Variants in SGCZ observed in about 807,000 individuals in gnomAD.
The protein encoded by SGCZ is sarcoglycan zeta.
In SGCZ, 40 loss-of-function variants were observed where a neutral mutation model predicts 41.3. That is an observed-to-expected ratio of 0.97 (90% CI 0.75 to 1.26). The LOEUF is 1.26. Among genes scored for constraint, SGCZ ranks in the 50% most tolerant of loss-of-function variants. The pLI is 0.00. For synonymous variants in SGCZ, 206 were observed against 137.5 expected (o/e 1.50, Z -3.49); for missense variants, 552 against 369.8 (o/e 1.49, Z -4.04).
intron 1 of SGCZ, among the ~76,000 whole-genome samples, chr8:14,927,282 T>C (rs942224906): frequency 1.3e-5 from 2 of 151,700 alleles, no homozygotes; most frequent in Non-Finnish European, 2.9e-5. Context: ...CTAATTTTTT[T>C]CTATATTTAG....
intron 1 of SGCZ, among the ~76,000 whole-genome samples, chr8:15,003,910 G>C (rs767619765): frequency 6.6e-6 from 1 of 152,062 alleles, no homozygotes; most frequent in African/African-American, 2.4e-5. Flanking sequence ...TTACAACAAC[G>C]CAGTTAATAT....
chr8:14,953,575 G>A (rs769167663), intron 1 of SGCZ, among the ~76,000 whole-genome samples: 3 of 152,166 alleles, frequency 2.0e-5, no homozygotes, highest in African/African-American at 4.8e-5. Flanking sequence ...GGTAGCAGAA[G>A]TGCAATAACA....
At chr8:14,948,076 G>A (rs1263139727) in intron 1 of SGCZ, among the ~76,000 whole-genome samples, 2 of 152,140 alleles carry the variant, frequency 1.3e-5, no homozygotes, top group Non-Finnish European at 2.9e-5. Context: ...CAGACCATAG[G>A]AGGTACAGGG....
At chr8:14,609,436 G>C (rs1402968321) in intron 1 of SGCZ, among the ~76,000 whole-genome samples, 1 of 151,952 alleles carries the variant, frequency 6.6e-6, no homozygotes, top group Non-Finnish European at 1.5e-5. Flanking sequence ...GAAGATGTTA[G>C]GCAAGTAATA....
At chr8:15,037,159 T>C (rs556363803) in intron 1 of SGCZ, among the ~76,000 whole-genome samples, 24 of 152,166 alleles carry the variant, frequency 1.6e-4, no homozygotes, top group Non-Finnish European at 2.8e-4. Flanking sequence ...TCATCATGAA[T>C]TGTAGTCTCC....
At chr8:14,342,401 C>A (rs1042071859) in intron 2 of SGCZ, among the ~76,000 whole-genome samples, 5 of 152,162 alleles carry the variant, frequency 3.3e-5, no homozygotes, top group Admixed American at 1.3e-4. Flanking sequence ...ACTGCAAGCT[C>A]TGCCTCCCGG....
chr8:14,535,203 A>G (rs781238500), intron 2 of SGCZ, among the ~76,000 whole-genome samples: 2 of 151,990 alleles, frequency 1.3e-5, no homozygotes, highest in Admixed American at 6.6e-5. Context: ...TTAAATTTGA[A>G]TAGTAAAGAT....
chr8:15,008,406 T>A (rs1233311597), intron 1 of SGCZ, among the ~76,000 whole-genome samples: 1 of 151,452 alleles, frequency 6.6e-6, no homozygotes, highest in East Asian at 1.9e-4. Context: ...ACAGTAGATA[T>A]AACCACAATT....
intron 2 of SGCZ, among the ~76,000 whole-genome samples, chr8:14,378,077 T>C (rs1481592316): frequency 6.7e-6 from 1 of 150,152 alleles, no homozygotes; most frequent in Non-Finnish European, 1.5e-5. Flanking sequence ...ATAGTATTTC[T>C]AGTTCTAGAT....
At chr8:14,135,279 A>C (rs1328767091) in intron 5 of SGCZ, among the ~76,000 whole-genome samples, 1 of 152,234 alleles carries the variant, frequency 6.6e-6, no homozygotes, top group Non-Finnish European at 1.5e-5. Flanking sequence ...GAATTATTTC[A>C]CTTTTTCTCC....
chr8:15,048,626 TA>T (rs1325029080), intron 1 of SGCZ, among the ~76,000 whole-genome samples: 1 of 152,088 alleles, frequency 6.6e-6, no homozygotes, highest in Non-Finnish European at 1.5e-5. Context: ...GCATCAATTT[TA>T]AAAATTGTGA....
chr8:15,004,801 G>A (rs1307767906), intron 1 of SGCZ, among the ~76,000 whole-genome samples: 4 of 152,096 alleles, frequency 2.6e-5, no homozygotes, highest in African/African-American at 4.8e-5. Flanking sequence ...AAAGAGAGAC[G>A]CAAAAGTTTT....
intron 1 of SGCZ, among the ~76,000 whole-genome samples, chr8:15,022,967 A>G (rs1803313152): frequency 6.6e-6 from 1 of 152,154 alleles, no homozygotes; most frequent in African/African-American, 2.4e-5. Flanking sequence ...CGACAGGTGG[A>G]TGGGATTTGT....
chr8:14,090,717 C>T, intron 7 of SGCZ, 80 bp from the exon 8 acceptor site: 7 of 1,247,276 alleles, frequency 5.6e-6, no homozygotes, highest in Non-Finnish European at 7.7e-6. Flanking sequence ...TCAACATGGT[C>T]TAATAAGGAA....
At chr8:14,943,746 G>A (rs1800353238) in intron 1 of SGCZ, among the ~76,000 whole-genome samples, 1 of 152,070 alleles carries the variant, frequency 6.6e-6, no homozygotes, top group African/African-American at 2.4e-5. Flanking sequence ...TCACCCTCAA[G>A]TAGGCCCTGG....
chr8:14,181,541 T>A (rs940032752), intron 4 of SGCZ, among the ~76,000 whole-genome samples: 2 of 152,196 alleles, frequency 1.3e-5, no homozygotes, highest in Non-Finnish European at 2.9e-5. Context: ...CCCACCCAAA[T>A]CTCACCCTGA....
At chr8:14,698,622 A>T (rs966168144) in intron 1 of SGCZ, among the ~76,000 whole-genome samples, 2 of 151,940 alleles carry the variant, frequency 1.3e-5, no homozygotes, top group African/African-American at 4.8e-5. Flanking sequence ...TGCATTTAGC[A>T]TATGTGTGGG....
intron 4 of SGCZ, among the ~76,000 whole-genome samples, chr8:14,223,040 G>A (rs751492225): frequency 7.2e-5 from 11 of 151,838 alleles, no homozygotes; most frequent in Admixed American, 7.2e-4. Flanking sequence ...TCGAACTTCT[G>A]ATCTCATGAT....
chr8:14,149,710 G>A (rs1803639258), intron 5 of SGCZ, among the ~76,000 whole-genome samples: 1 of 148,218 alleles, frequency 6.7e-6, no homozygotes, highest in African/African-American at 2.5e-5. Context: ...AGAAAATCCA[G>A]GATAGCTAAA....
Sources: allele counts gnomAD v4.1 joint callset (sites outside exome capture counted in the v4.1 genomes callset), GRCh38; gene constraint gnomAD v4.1.1; transcripts MANE v1.5; gene names NCBI Gene and HGNC (gene_info 2026-07-23, HGNC 2026-07-21).